Variants in PHF21A observed in about 807,000 individuals in gnomAD.
The protein encoded by PHF21A is BHC80a.
A neutral mutation model predicts 82.5 loss-of-function variants in PHF21A; 11 were observed. That is an observed-to-expected ratio of 0.13 (90% CI 0.08 to 0.22). PHF21A has a LOEUF of 0.22. Among genes scored for constraint, PHF21A ranks in the 10% least tolerant of loss-of-function variants. The pLI is 1.00. For missense variants in PHF21A, 579 were observed against 837.8 expected (o/e 0.69, Z 3.81); for synonymous variants, 297 against 302.8 (o/e 0.98, Z 0.20).
At chr11:45,970,616 G>A (rs911363805) in intron 8 of PHF21A, 4 of 151,032 alleles carry the variant, frequency 2.6e-5, no homozygotes, top group Admixed American at 6.6e-5. Context: ...CTTGGGCACT[G>A]ACACGGTTAA....
At chr11:45,998,863 C>T (rs937287797) in intron 6 of PHF21A, among the ~76,000 whole-genome samples, 13 of 151,658 alleles carry the variant, frequency 8.6e-5, no homozygotes, top group African/African-American at 3.2e-4. Context: ...CACTCTGTTG[C>T]CCAGGCTGGA....
chr11:45,946,733 A>C (rs192196743), intron 14 of PHF21A, among the ~76,000 whole-genome samples: 1 of 152,262 alleles, frequency 6.6e-6, no homozygotes, highest in Non-Finnish European at 1.5e-5. Context: ...TGCAATCAGC[A>C]TTCTCACAAT....
chr11:45,935,142 A>T, intron 18 of PHF21A: 1 of 1,289,544 alleles, frequency 7.8e-7, no homozygotes, highest in Non-Finnish European at 1.0e-6. Context: ...GTCTCTAGAA[A>T]GCCCGCTTCC....
chr11:46,026,284 A>C (rs1465164445), intron 6 of PHF21A, among the ~76,000 whole-genome samples: 2 of 152,192 alleles, frequency 1.3e-5, no homozygotes, highest in Non-Finnish European at 2.9e-5. Context: ...TATGTTTTGT[A>C]GTAAAATGTG....
At chr11:46,084,092 C>A in intron 4 of PHF21A, 74 bp downstream of exon 4, 1 of 1,073,008 alleles carries the variant, frequency 9.3e-7, no homozygotes, top group African/African-American at 1.6e-5. Flanking sequence ...ATACTAAACA[C>A]CAGAGATGGA....
chr11:46,059,796 G>A (rs555407126), intron 6 of PHF21A, among the ~76,000 whole-genome samples: 20 of 151,768 alleles, frequency 1.3e-4, no homozygotes, highest in African/African-American at 2.9e-4. Flanking sequence ...GCTCAATCTC[G>A]GCTCACTGCA....
At chr11:45,999,120 C>A (rs1360053608) in intron 6 of PHF21A, among the ~76,000 whole-genome samples, 1 of 152,170 alleles carries the variant, frequency 6.6e-6, no homozygotes, top group African/African-American at 2.4e-5. Context: ...AGCCACTGTG[C>A]CCGGCCAGAA....
At chr11:45,945,796 T>C (rs2091202624) in intron 15 of PHF21A, 44 bp downstream of exon 15, 1 of 1,508,356 alleles carries the variant, frequency 6.6e-7, no homozygotes, top group Non-Finnish European at 8.9e-7. Flanking sequence ...CTTTTCCCAA[T>C]TTAAGCTCTC....
At chr11:46,045,784 C>T (rs1025376527) in intron 6 of PHF21A, among the ~76,000 whole-genome samples, 1 of 152,070 alleles carries the variant, frequency 6.6e-6, no homozygotes, top group Non-Finnish European at 1.5e-5. Flanking sequence ...TTTCTTAACC[C>T]CTTTCTGCTC....
chr11:46,021,330 G>C (rs1393667749), intron 6 of PHF21A, among the ~76,000 whole-genome samples: 1 of 151,988 alleles, frequency 6.6e-6, no homozygotes, highest in Non-Finnish European at 1.5e-5. Flanking sequence ...CCAAAGTGCT[G>C]GGATTACAGG....
At position 46,046,735 on chromosome 11, in the gene PHF21A, T is replaced by C. The variant is rs1046983955; in HGVS notation, c.153+30019A>G. ...GGTAATGCAGATGGCAAATGAGCTT[T>C]CTACATGTAAACACACTATAAAACC... On this transcript the variant is annotated intron_variant, in intron 6 of 18. Transcript: ENST00000676320. 5.3e-5 allele frequency among the ~76,000 whole-genome samples: 8 copies of C among 152,096 alleles called. 1 individual carries two copies. The highest frequency in any genetic ancestry group is 5.2e-4 in the Admixed American group (8 of 15,268).
At chr11:45,943,124 T>TTC (rs2090681261) in intron 15 of PHF21A, among the ~76,000 whole-genome samples, 1 of 141,282 alleles carries the variant, frequency 7.1e-6, no homozygotes, top group Admixed American at 6.9e-5. Context: ...TTCTTTCCTT[T>TTC]TTTTTTTTTT....
At position 45,933,982 on chromosome 11, in the gene PHF21A, C is replaced by G. The variant is rs991807725; in HGVS notation, c.2032G>C (p.Glu678Gln). The G allele has an allele frequency of 6.4e-7, 1 of 1,568,924 alleles. No individual in the cohort carries two copies. Among genetic ancestry groups the G allele is most frequent in the African/African-American group, 1.4e-5 (1 of 73,084 alleles). Residue 678 changes from glutamate (E) to glutamine (Q), a missense_variant, in exon 19 of 19, where the codon GAA becomes CAA. Physicochemically the swap from Glu to Gln is conservative, Grantham distance 29. Around this residue, in one of 3 missense-constraint regions of PHF21A, gnomAD observed 157 missense variants for 149.4 expected, o/e 1.05. Coordinates refer to ENST00000676320, the MANE Select transcript of PHF21A (RefSeq NM_001352027.3). ...GAGGGGCTCTGTTATTTAGTCTCTT[C>G]CCCCTGGTTACAGTTCGCTGTGCAG... ...QSCTANCNQG[E>Q]ETK
At chr11:45,977,199 C>T (rs1030178347) in intron 7 of PHF21A, among the ~76,000 whole-genome samples, 1 of 145,794 alleles carries the variant, frequency 6.9e-6, no homozygotes, top group African/African-American at 2.6e-5. Flanking sequence ...GAGTGCAGTA[C>T]GATCTCGGCT....
At chr11:45,959,775 G>C (rs1228042756) in intron 10 of PHF21A, among the ~76,000 whole-genome samples, 1 of 152,158 alleles carries the variant, frequency 6.6e-6, no homozygotes, top group East Asian at 1.9e-4. Context: ...CGGAACAGGA[G>C]AAAATATTTG....
chr11:46,069,316 A>G (rs1445807906), intron 6 of PHF21A, among the ~76,000 whole-genome samples: 1 of 152,264 alleles, frequency 6.6e-6, no homozygotes, highest in East Asian at 1.9e-4. Flanking sequence ...ATGGCTTTAC[A>G]TAAATATTAC....
chr11:45,981,709 A>T (rs913558691), intron 6 of PHF21A, among the ~76,000 whole-genome samples: 1 of 152,206 alleles, frequency 6.6e-6, no homozygotes, highest in Non-Finnish European at 1.5e-5. Context: ...AGCTTTAAAT[A>T]GTTAGATGAA....
At chr11:45,981,375 A>T (rs890227963) in intron 6 of PHF21A, among the ~76,000 whole-genome samples, 5 of 141,046 alleles carry the variant, frequency 3.5e-5, no homozygotes, top group Admixed American at 7.3e-5. Context: ...CCTGGGTGAC[A>T]GAGTGAAACC....
At position 46,103,506 on chromosome 11, in the gene PHF21A, T is replaced by C. The variant is rs2097122271; in HGVS notation, c.-236-11283A>G. ...ATTTTTTAAAAAACTCGTTGGAATT[T>C]CTCCTCAGAAATGAGATACAATGTT... On this transcript the variant is annotated intron_variant, in intron 1 of 18. Transcript: ENST00000676320. 2.6e-5 allele frequency among the ~76,000 whole-genome samples: 4 copies of C among 152,274 alleles called. No individual in the cohort carries two copies. In the South Asian group the frequency reaches 6.2e-4, roughly 24 times the overall value.
Sources: gnomAD v4.1 joint callset for allele counts (sites outside exome capture counted in the v4.1 genomes callset) on GRCh38, gnomAD v4.1.1 for gene constraint, gnomAD v4.1.1 regional missense constraint, MANE v1.5 for transcripts, NCBI Gene and HGNC (gene_info 2026-07-23, HGNC 2026-07-21) for gene names.